Variants in FAAH2 observed in about 807,000 individuals in gnomAD.
FAAH2 encodes the protein fatty acid amide hydrolase 2.
FAAH2 carries 60 observed loss-of-function variants against 36.9 expected under a neutral mutation model. That is an observed-to-expected ratio of 1.63 (90% confidence interval 1.32 to 2.02). FAAH2 has a LOEUF of 2.02. FAAH2 is among the 30% of genes most tolerant of loss of function. The pLI, the probability that FAAH2 is intolerant of heterozygous loss-of-function variation, is 0.00. For missense variants in FAAH2, 689 were observed against 397.5 expected (o/e 1.73, Z -6.23); for synonymous variants, 214 against 143.8 (o/e 1.49, Z -3.49).
At chrX:57,133,319 T>G in the FAAH2 span, among the ~76,000 whole-genome samples, 30,147 of 111,016 alleles carry the variant, frequency 0.27, 3,214 homozygotes, top group Middle Eastern at 0.54. Flanking sequence ...GAAGAGTGCC[T>G]GGCAGAGAGC....
At chrX:57,358,784 G>T (rs1022883630) in intron 5 of FAAH2, among the ~76,000 whole-genome samples, 2 of 111,250 alleles carry the variant, frequency 1.8e-5, no homozygotes, top group African/African-American at 6.5e-5. Context: ...TTACATTTTT[G>T]GGGGATCTTC....
At chrX:57,347,635 T>G (rs2053862674) in intron 5 of FAAH2, among the ~76,000 whole-genome samples, 2 of 82,586 alleles carry the variant, frequency 2.4e-5, no homozygotes, top group South Asian at 6.1e-4. Context: ...TTTTTTTTTT[T>G]TTGCTGTTGT....
chrX:57,337,022 AAG>A (rs1267579245), intron 4 of FAAH2, among the ~76,000 whole-genome samples: 7 of 110,726 alleles, frequency 6.3e-5, no homozygotes, highest in Admixed American at 1.9e-4. Flanking sequence ...TAAAGAAGAA[AAG>A]AGAGAATTAA....
the FAAH2 span, among the ~76,000 whole-genome samples, chrX:57,259,750 A>C: frequency 1.8e-5 from 2 of 111,926 alleles, no homozygotes; most frequent in Non-Finnish European, 3.8e-5. Context: ...TTGTGGTAAT[A>C]ATTTTACAAT....
At chrX:57,325,240 C>G (rs2053176267) in intron 3 of FAAH2, among the ~76,000 whole-genome samples, 1 of 111,595 alleles carries the variant, frequency 9.0e-6, no homozygotes, top group Admixed American at 9.6e-5. Context: ...ATTCAGTTTG[C>G]CAGTATTTTA....
At chrX:57,190,797 A>T in the FAAH2 span, among the ~76,000 whole-genome samples, 1 of 108,903 alleles carries the variant, frequency 9.2e-6, no homozygotes, top group African/African-American at 3.4e-5. Flanking sequence ...CCCACCTTCT[A>T]TGTTGGTCTC....
At chrX:57,402,723 G>A (rs989649694) in intron 7 of FAAH2, among the ~76,000 whole-genome samples, 1 of 111,586 alleles carries the variant, frequency 9.0e-6, no homozygotes, top group Non-Finnish European at 1.9e-5. Flanking sequence ...TAATTTATAG[G>A]CTTCTTCCTA....
intron 5 of FAAH2, among the ~76,000 whole-genome samples, chrX:57,353,304 C>G (rs771751076): frequency 9.2e-6 from 1 of 108,970 alleles, no homozygotes; most frequent in Non-Finnish European, 1.9e-5. Flanking sequence ...ATAAATACAG[C>G]CAAGTGATCT....
intron 10 of FAAH2, among the ~76,000 whole-genome samples, chrX:57,457,182 G>A (rs1602726783): frequency 9.0e-6 from 1 of 111,449 alleles, no homozygotes; most frequent in South Asian, 3.8e-4. Context: ...CAAATAAACA[G>A]AATCAAAAGC....
At chrX:57,185,060 AT>A in the FAAH2 span, among the ~76,000 whole-genome samples, 1,600 of 111,617 alleles carry the variant, frequency 0.014, 35 homozygotes, top group African/African-American at 0.05. Flanking sequence ...TTCCTCAAGC[AT>A]TTATTATTTG....
chrX:57,255,287 G>A, the FAAH2 span, among the ~76,000 whole-genome samples: 11 of 111,593 alleles, frequency 9.9e-5, no homozygotes, highest in Admixed American at 4.7e-4. Flanking sequence ...ATAATTAATA[G>A]CCTACCAACC....
At chrX:57,303,032 A>G (rs995802001) in intron 2 of FAAH2, among the ~76,000 whole-genome samples, 6 of 110,628 alleles carry the variant, frequency 5.4e-5, no homozygotes, top group African/African-American at 2.0e-4. Flanking sequence ...GCTTGTGCTG[A>G]TTGTATGTGG....
At chrX:57,152,997 A>G in the FAAH2 span, among the ~76,000 whole-genome samples, 1 of 109,403 alleles carries the variant, frequency 9.1e-6, no homozygotes, top group East Asian at 2.9e-4. Context: ...CTTGCTATCT[A>G]TCTCATTTTT....
intron 7 of FAAH2, among the ~76,000 whole-genome samples, chrX:57,396,009 C>T (rs2055286628): frequency 1.8e-5 from 2 of 111,872 alleles, no homozygotes; most frequent in South Asian, 7.4e-4. Context: ...ATTACAGATT[C>T]AAATTCATTA....
chrX:57,237,036 A>G, the FAAH2 span, among the ~76,000 whole-genome samples: 1 of 111,915 alleles, frequency 8.9e-6, no homozygotes, highest in Non-Finnish European at 1.9e-5. Context: ...GTTTGTATGC[A>G]GTTAAAGATA....
At chrX:57,274,071 T>C in the FAAH2 span, among the ~76,000 whole-genome samples, 6 of 111,087 alleles carry the variant, frequency 5.4e-5, no homozygotes, top group Non-Finnish European at 1.1e-4. Flanking sequence ...AAAAATGATA[T>C]AGGGGATATC....
chrX:57,361,370 C>T (rs192578147), intron 5 of FAAH2, among the ~76,000 whole-genome samples: 86 of 110,949 alleles, frequency 7.8e-4, no homozygotes, highest in African/African-American at 2.7e-3. Flanking sequence ...CTCAAAGGTG[C>T]AGCATGAGGT....
chrX:57,321,199 A>G (rs1191613110), intron 3 of FAAH2, among the ~76,000 whole-genome samples: 1 of 110,518 alleles, frequency 9.0e-6, no homozygotes, highest in Admixed American at 9.7e-5. Context: ...ATGAAGCTGG[A>G]AACCATCGTT....
chrX:57,476,182 CTTTA>C lies in FAAH2; in HGVS notation c.1424-12567_1424-12564del, dbSNP rs1368497443. On this transcript the variant is annotated intron_variant, in intron 10 of 10. Coordinates refer to ENST00000374900, the MANE Select transcript of FAAH2 (RefSeq NM_174912.4). The stretch of plus-strand genomic sequence containing the variant: ...CTTCCTCTTTTTCTACTTGAATACC[CTTTA>C]TTTATTTTTCTTGCCTGATTTCCCT... Among the ~76,000 whole-genome samples the C allele has an allele frequency of 2.7e-5, 3 of 111,216 alleles. No individual in the cohort carries two copies. In the East Asian group the frequency reaches 8.5e-4, roughly 31 times the overall value.
Sources: allele counts gnomAD v4.1 joint callset (sites outside exome capture counted in the v4.1 genomes callset), GRCh38; gene constraint gnomAD v4.1.1; transcripts MANE v1.5; gene names NCBI Gene and HGNC (gene_info 2026-07-23, HGNC 2026-07-21).